The following ADAMTS17 variants were observed in gnomAD, a reference collection of about 807,000 sequenced individuals.
The protein encoded by ADAMTS17 is ADAM metallopeptidase with thrombospondin type 1 motif 17, also known as A disintegrin and metalloproteinase with thrombospondin motifs 17.
In ADAMTS17, 113 loss-of-function variants were observed where a neutral mutation model predicts 141.5. That is an observed-to-expected ratio of 0.80 (90% CI 0.69 to 0.93). The LOEUF (loss-of-function observed/expected upper bound fraction) is 0.93, where lower values mean the gene tolerates loss of function less well. ADAMTS17 is among the 40% of genes least tolerant of loss of function. The probability of loss-of-function intolerance (pLI) is 0.00; values close to 1 mark genes in which losing one functional copy is unlikely to be tolerated. For synonymous variants in ADAMTS17, 768 were observed against 630.6 expected, an observed-to-expected ratio of 1.22 and a Z score of -3.27; for missense variants, 1,659 against 1,517.9, an observed-to-expected ratio of 1.09 and a Z score of -1.54.
At chr15:99,992,919 G>A (rs2060719461) in intron 20 of ADAMTS17, 129 bp downstream of exon 20, 4 of 1,207,510 alleles carry the variant, frequency 3.3e-6, no homozygotes, top group Non-Finnish European at 4.7e-6. Context: ...GCGGGTGGAA[G>A]GAAAATGAAT....
At chr15:100,115,843 G>A (rs995281333) in intron 13 of ADAMTS17, among the ~76,000 whole-genome samples, 3 of 152,052 alleles carry the variant, frequency 2.0e-5, no homozygotes, top group African/African-American at 7.2e-5. Context: ...GAAGTCATGC[G>A]GTCTGTCTTC....
chr15:99,972,315 A>ACTAATGGGGGTATCTGACAATAACCC lies in ADAMTS17; in HGVS notation c.*2061_*2086dup. The ACTAATGGGGGTATCTGACAATAACCC allele has an allele frequency of 6.6e-6, 1 of 152,286 alleles. No homozygotes were observed. Among genetic ancestry groups the ACTAATGGGGGTATCTGACAATAACCC allele is most frequent in the East Asian group, 1.9e-4 (1 of 5,176 alleles). The allele number at this position is 152,286 out of a possible 1,614,324, so 9.4% of individuals were successfully genotyped here. A position where few individuals can be genotyped will look rare whatever the true frequency, so the allele number is the denominator to read the frequency against. ...CTCTGCAGATGCAGACTTTAGGGGA[A>ACTAATGGGGGTATCTGACAATAACCC]CTAATGGGGGTATCTGACAATAACC... On this transcript the variant is annotated 3_prime_UTR_variant, in exon 22 of 22. Coordinates refer to ENST00000268070, the MANE Select transcript of ADAMTS17 (RefSeq NM_139057.4).
chr15:100,071,139 T>C (rs1328698876), intron 15 of ADAMTS17, among the ~76,000 whole-genome samples: 1 of 150,426 alleles, frequency 6.6e-6, no homozygotes, highest in East Asian at 1.9e-4. Flanking sequence ...CTAGAAAATC[T>C]AGAAGAAATG....
intron 7 of ADAMTS17, among the ~76,000 whole-genome samples, chr15:100,203,742 C>T (rs1200944241): frequency 6.6e-6 from 1 of 151,806 alleles, no homozygotes; most frequent in East Asian, 1.9e-4. Flanking sequence ...AACAAAAAAA[C>T]ACCCAAATTA....
At chr15:100,023,912 T>C (rs1026625127) in intron 18 of ADAMTS17, among the ~76,000 whole-genome samples, 1 of 152,206 alleles carries the variant, frequency 6.6e-6, no homozygotes, top group African/African-American at 2.4e-5. Context: ...ATGCACATTG[T>C]AGAAAATCTG....
At position 100,110,181 on chromosome 15, in the gene ADAMTS17, A is replaced by G. The variant is rs566319125; in HGVS notation, c.1889-1065T>C. Among the ~76,000 whole-genome samples the G allele has an allele frequency of 2.9e-5, 4 of 136,680 alleles. No individual in the cohort carries two copies. In the East Asian group the frequency reaches 8.3e-4, roughly 28 times the overall value. 89.7% of individuals were successfully genotyped at this position (136,680 alleles called of 152,430 possible). A position where few individuals can be genotyped will look rare whatever the true frequency, so the allele number is the denominator to read the frequency against. The stretch of plus-strand genomic sequence containing the variant: ...AGAAAGACTCAGTATATATATATAT[A>G]TTTATATACTGATATATATATATCA... On this transcript the variant is annotated intron_variant, in intron 13 of 21. Coordinates refer to ENST00000268070, the MANE Select transcript of ADAMTS17 (RefSeq NM_139057.4).
intron 18 of ADAMTS17, among the ~76,000 whole-genome samples, chr15:100,044,230 C>G (rs887680522): frequency 1.2e-4 from 18 of 152,172 alleles, no homozygotes; most frequent in Non-Finnish European, 7.4e-5. Context: ...TTTTTGATCA[C>G]TGTTTCTTAA....
intron 15 of ADAMTS17, among the ~76,000 whole-genome samples, chr15:100,093,564 A>G (rs886083577): frequency 2.0e-5 from 3 of 151,836 alleles, no homozygotes; most frequent in African/African-American, 7.3e-5. Context: ...TACGATTTCC[A>G]TGCTGGGTCT....
intron 7 of ADAMTS17, among the ~76,000 whole-genome samples, chr15:100,228,995 T>A (rs566810787): frequency 1.3e-5 from 2 of 152,294 alleles, no homozygotes; most frequent in Non-Finnish European, 2.9e-5. Context: ...GCAAATTGGA[T>A]CATTCTAAGG....
intron 7 of ADAMTS17, among the ~76,000 whole-genome samples, chr15:100,229,705 C>T (rs1483124486): frequency 6.6e-6 from 1 of 152,202 alleles, no homozygotes; most frequent in Non-Finnish European, 1.5e-5. Flanking sequence ...CGCCTCCTCC[C>T]ACAACAAAAC....
chr15:100,020,232 G>C (rs1032032278), intron 18 of ADAMTS17, among the ~76,000 whole-genome samples: 1 of 152,112 alleles, frequency 6.6e-6, no homozygotes, highest in African/African-American at 2.4e-5. Context: ...TTCCACCCCC[G>C]CTGCTGCTCC....
At chr15:100,081,620 A>C (rs1462566079) in intron 15 of ADAMTS17, among the ~76,000 whole-genome samples, 2 of 152,244 alleles carry the variant, frequency 1.3e-5, no homozygotes, top group Non-Finnish European at 2.9e-5. Flanking sequence ...AGCTACTGTG[A>C]GAATCACTGA....
intron 8 of ADAMTS17, 119 bp from the exon 9 acceptor site, chr15:100,155,439 G>C (rs1206426719): frequency 3.5e-6 from 5 of 1,416,678 alleles, no homozygotes; most frequent in Non-Finnish European, 4.8e-6. Context: ...GACGTAACGT[G>C]AAAGTGGTTC....
chr15:100,203,152 C>CAT (rs2041401742), intron 7 of ADAMTS17, among the ~76,000 whole-genome samples: 1 of 152,186 alleles, frequency 6.6e-6, no homozygotes, highest in Non-Finnish European at 1.5e-5. Flanking sequence ...GATGGGGAAA[C>CAT]AGAGGCTCCA....
At chr15:100,209,170 C>T (rs1198641080) in intron 7 of ADAMTS17, among the ~76,000 whole-genome samples, 3 of 147,650 alleles carry the variant, frequency 2.0e-5, no homozygotes, top group Non-Finnish European at 4.5e-5. Context: ...AAACAAGTAA[C>T]CGCATTTCTT....
intron 7 of ADAMTS17, among the ~76,000 whole-genome samples, chr15:100,212,816 C>T (rs886208413): frequency 7.4e-6 from 1 of 134,914 alleles, no homozygotes; most frequent in African/African-American, 2.9e-5. Flanking sequence ...TGTAAAAGAG[C>T]AGCCAAATTG....
At chr15:100,229,425 G>A (rs1381907777) in intron 7 of ADAMTS17, among the ~76,000 whole-genome samples, 2 of 152,148 alleles carry the variant, frequency 1.3e-5, no homozygotes, top group African/African-American at 4.8e-5. Context: ...CTCTGCTGAT[G>A]TCTTGGTCCA....
intron 18 of ADAMTS17, among the ~76,000 whole-genome samples, chr15:100,038,474 A>G (rs543276955): frequency 6.6e-6 from 1 of 152,210 alleles, no homozygotes; most frequent in African/African-American, 2.4e-5. Context: ...TTATCTTAAC[A>G]AGTCTTCTCA....
chr15:100,122,658 T>A (rs1003070211), intron 12 of ADAMTS17, among the ~76,000 whole-genome samples: 1 of 152,186 alleles, frequency 6.6e-6, no homozygotes, highest in Admixed American at 6.5e-5. Flanking sequence ...ACATGTTTTG[T>A]AGGTTATATG....
Sources: gnomAD v4.1 joint callset for allele counts (sites outside exome capture counted in the v4.1 genomes callset) on GRCh38, gnomAD v4.1.1 for gene constraint, MANE v1.5 for transcripts, NCBI Gene and HGNC (gene_info 2026-07-23, HGNC 2026-07-21) for gene names.